CDC42BPA: variants seen among roughly 807,000 people sequenced by gnomAD.
The protein encoded by CDC42BPA is serine/threonine-protein kinase MRCK alpha.
In CDC42BPA, 80 loss-of-function variants were observed where a neutral mutation model predicts 223.5. That is an observed-to-expected ratio of 0.36 (90% confidence interval 0.30 to 0.43). The LOEUF (loss-of-function observed/expected upper bound fraction) is 0.43, where lower values mean the gene tolerates loss of function less well. CDC42BPA is among the 20% of genes least tolerant of loss of function. CDC42BPA has a pLI of 1.00. For missense variants in CDC42BPA, 1,743 were observed against 2,099.9 expected, an observed-to-expected ratio of 0.83 and a Z score of 3.32; for synonymous variants, 694 against 718.6, an observed-to-expected ratio of 0.97 and a Z score of 0.55.
chr1:227,026,921 T>C (rs924766461), intron 30 of CDC42BPA, among the ~76,000 whole-genome samples: 11 of 152,000 alleles, frequency 7.2e-5, no homozygotes, highest in African/African-American at 2.4e-4. Flanking sequence ...TCTTGGGTAG[T>C]TGGGACAACA....
At chr1:227,286,649 G>A (rs970119654) in intron 1 of CDC42BPA, among the ~76,000 whole-genome samples, 3 of 151,898 alleles carry the variant, frequency 2.0e-5, no homozygotes, top group Admixed American at 6.6e-5. Flanking sequence ...TCCACTCCCG[G>A]TACCAATTTT....
intron 34 of CDC42BPA, among the ~76,000 whole-genome samples, chr1:227,007,533 A>G (rs568535942): frequency 6.6e-6 from 1 of 152,362 alleles, no homozygotes; most frequent in African/African-American, 2.4e-5. Flanking sequence ...AACATAATTT[A>G]AGAGTTGATG....
intron 1 of CDC42BPA, among the ~76,000 whole-genome samples, chr1:227,296,189 G>C (rs1383048763): frequency 6.6e-6 from 1 of 152,144 alleles, no homozygotes; most frequent in Admixed American, 6.5e-5. Context: ...ATAGAACTGA[G>C]AGTCTAGAAA....
At chr1:227,263,224 T>A (rs747691048) in intron 1 of CDC42BPA, among the ~76,000 whole-genome samples, 35 of 152,312 alleles carry the variant, frequency 2.3e-4, no homozygotes, top group Non-Finnish European at 5.0e-4. Context: ...AGAGCAAGAC[T>A]CTGTCTCAAA....
intron 3 of CDC42BPA, among the ~76,000 whole-genome samples, chr1:227,201,330 T>C (rs967124886): frequency 3.3e-5 from 5 of 151,894 alleles, no homozygotes; most frequent in African/African-American, 7.3e-5. Flanking sequence ...TATCTCTTTC[T>C]AGAGACGAGG....
In CDC42BPA at chr1:226,990,886, G is replaced by A. The variant is rs1438683715; in HGVS notation, c.*3382C>T. 1 of 152,616 alleles carries A rather than the reference G, an allele frequency of 6.6e-6. No homozygotes were observed. Among genetic ancestry groups the A allele is most frequent in the Non-Finnish European group, 1.5e-5 (1 of 68,046 alleles). The allele number at this position is 152,616 out of a possible 1,614,324, so 9.5% of individuals were successfully genotyped here. A position where few individuals can be genotyped will look rare whatever the true frequency, so the allele number is the denominator to read the frequency against. On this transcript the variant is annotated 3_prime_UTR_variant, in exon 37 of 37. Transcript: ENST00000366766. Reference sequence around the variant, plus strand: ...GGAATTTCAGATTCTCCCCTGAAATGTGAGTACAATAATTGGCTGGAAAAC... The same window carrying A: ...GGAATTTCAGATTCTCCCCTGAAATATGAGTACAATAATTGGCTGGAAAAC...
chr1:227,146,204 C>G (rs866095250), intron 7 of CDC42BPA, among the ~76,000 whole-genome samples: 1 of 152,090 alleles, frequency 6.6e-6, no homozygotes, highest in East Asian at 1.9e-4. Context: ...GGTACTCCTA[C>G]TATGCTAATA....
chr1:227,315,160 T>C (rs191177471), intron 1 of CDC42BPA, among the ~76,000 whole-genome samples: 3 of 152,186 alleles, frequency 2.0e-5, no homozygotes, highest in Admixed American at 2.0e-4. Context: ...TTCTTTTTAC[T>C]CTTTATCCAG....
intron 34 of CDC42BPA, among the ~76,000 whole-genome samples, chr1:227,008,382 TTAAA>T (rs1664509997): frequency 6.6e-6 from 1 of 152,214 alleles, no homozygotes; most frequent in African/African-American, 2.4e-5. Flanking sequence ...ATGGTATAGA[TTAAA>T]TAATTTAACA....
At chr1:227,204,285 T>C (rs1481551021) in intron 3 of CDC42BPA, among the ~76,000 whole-genome samples, 2 of 152,234 alleles carry the variant, frequency 1.3e-5, no homozygotes, top group Admixed American at 6.5e-5. Context: ...TGTATCATTT[T>C]TAACTTATTT....
intron 1 of CDC42BPA, chr1:227,264,975 G>A: frequency 2.2e-6 from 2 of 909,916 alleles, no homozygotes; most frequent in East Asian, 2.4e-5. Flanking sequence ...ACCTCATTTG[G>A]GCAGTGCTGC....
chr1:227,129,843 ATG>A (rs1160557854), intron 10 of CDC42BPA, among the ~76,000 whole-genome samples: 3 of 151,968 alleles, frequency 2.0e-5, no homozygotes, highest in Non-Finnish European at 4.4e-5. Flanking sequence ...AAAGCCTGGT[ATG>A]TCAGTCAGAT....
chr1:227,119,923 C>T lies in CDC42BPA; in HGVS notation c.1528G>A (p.Glu510Lys). 1 of 1,587,492 alleles carries T rather than the reference C, an allele frequency of 6.3e-7. No individual in the cohort carries two copies. The highest frequency in any genetic ancestry group is 8.5e-7 in the Non-Finnish European group (1 of 1,170,230). The change falls in exon 12 of 37, where the codon GAA (glutamate) becomes AAA (lysine). Residue 510 changes from glutamate to lysine, a missense_variant. Coordinates refer to ENST00000366766, the MANE Select transcript of CDC42BPA (RefSeq NM_001394014.1). Reference protein sequence around the residue: ...RKQVTESSHLEQQLEEANAVR... With the variant: ...RKQVTESSHLKQQLEEANAVR... ...GCATTAGCTTCTTCAAGTTGCTGTT[C>T]CAAATGACTTGATTCTAAAAACAAA...
intron 1 of CDC42BPA, among the ~76,000 whole-genome samples, chr1:227,254,751 TAA>T (rs1444758057): frequency 6.6e-6 from 1 of 152,230 alleles, no homozygotes; most frequent in South Asian, 2.1e-4. Context: ...AATAATGTGA[TAA>T]AGTTTTAAGT....
chr1:226,998,547 G>A (rs887165605), intron 35 of CDC42BPA, among the ~76,000 whole-genome samples: 1 of 152,156 alleles, frequency 6.6e-6, no homozygotes, highest in African/African-American at 2.4e-5. Context: ...AACGGGGAAA[G>A]GATTCCCTAT....
chr1:227,248,120 A>C (rs1436353731), intron 2 of CDC42BPA, among the ~76,000 whole-genome samples: 1 of 152,134 alleles, frequency 6.6e-6, no homozygotes, highest in Non-Finnish European at 1.5e-5. Flanking sequence ...GGGTAAATCT[A>C]AGAGTTATTG....
At chr1:227,177,482 T>C (rs2150000209) in intron 5 of CDC42BPA, among the ~76,000 whole-genome samples, 1 of 152,298 alleles carries the variant, frequency 6.6e-6, no homozygotes, top group East Asian at 1.9e-4. Flanking sequence ...TTTTTTTCCC[T>C]GTATGTGATA....
intron 2 of CDC42BPA, among the ~76,000 whole-genome samples, chr1:227,233,882 G>A (rs748749785): frequency 2.0e-5 from 3 of 151,884 alleles, no homozygotes; most frequent in African/African-American, 4.8e-5. Flanking sequence ...GCAGTTAGCC[G>A]AGATCACACT....
chr1:227,006,348 G>C (rs563408785), intron 34 of CDC42BPA, among the ~76,000 whole-genome samples: 1 of 152,186 alleles, frequency 6.6e-6, no homozygotes, highest in African/African-American at 2.4e-5. Flanking sequence ...AAGGCAGCAT[G>C]GTGGCTGTGA....
Sources: gnomAD v4.1 joint callset for allele counts (sites outside exome capture counted in the v4.1 genomes callset) on GRCh38, gnomAD v4.1.1 for gene constraint, MANE v1.5 for transcripts, NCBI Gene and HGNC (gene_info 2026-07-23, HGNC 2026-07-21) for gene names.